Variants in FAM204A observed in about 807,000 individuals in gnomAD.
FAM204A encodes the protein protein FAM204A.
FAM204A carries 16 observed loss-of-function variants against 35.4 expected under a neutral mutation model. That is an observed-to-expected ratio of 0.45 (90% CI 0.31 to 0.69). The LOEUF (loss-of-function observed/expected upper bound fraction) is 0.69. FAM204A is among the 30% of genes least tolerant of loss of function. FAM204A has a pLI of 0.07. For missense variants in FAM204A, 240 were observed against 265.7 expected (o/e 0.90, Z 0.67); for synonymous variants, 76 against 86.9 (o/e 0.88, Z 0.70).
At position 118,304,496 on chromosome 10, in the gene FAM204A, C is replaced by G. The variant is rs943640355; in HGVS notation, c.*6361G>C. 1 of 152,386 alleles carries G rather than the reference C, an allele frequency of 6.6e-6. No homozygotes were observed. Among genetic ancestry groups the G allele is most frequent in the African/African-American group, 2.4e-5 (1 of 41,436 alleles). 9.4% of individuals were successfully genotyped at this position (152,386 alleles called of 1,614,324 possible). A position where few individuals can be genotyped will look rare whatever the true frequency, so the allele number is the denominator to read the frequency against. On this transcript the variant is annotated 3_prime_UTR_variant, in exon 9 of 9. Transcript: ENST00000369183. ...AAGTTGTGTGTGAGTTGGTTCTGGC[C>G]AGCTCTTTTCAACGCCATCTCTTTC...
intron 7 of FAM204A, among the ~76,000 whole-genome samples, chr10:118,322,785 A>T (rs1317791058): frequency 1.3e-5 from 2 of 152,150 alleles, no homozygotes; most frequent in African/African-American, 4.8e-5. Context: ...AGTCTGAAAT[A>T]ATTGCAAAAT....
Position 118,335,709 on chromosome 10 carries a change from T to C in FAM204A, c.235-68A>G, listed in dbSNP as rs961548943. On this transcript the variant is annotated intron_variant, in intron 3 of 8. Transcript: ENST00000369183. ...AGAAAAACATGCATTTAAAAAATAA[T>C]GAAGTAATAAAACAATTATATTTCA... is the stretch of plus-strand genomic sequence containing the variant. 19 of 1,175,892 alleles carry C rather than the reference T, an allele frequency of 1.6e-5. No homozygotes were observed. In the African/African-American group the frequency reaches 3.0e-4, roughly 18 times the overall value. The allele number at this position is 1,175,892 out of a possible 1,614,324, so 72.8% of individuals were successfully genotyped here. A position where few individuals can be genotyped will look rare whatever the true frequency, so the allele number is the denominator to read the frequency against.
chr10:118,327,035 T>C (rs989219091), intron 6 of FAM204A, among the ~76,000 whole-genome samples: 1 of 152,168 alleles, frequency 6.6e-6, no homozygotes, highest in Non-Finnish European at 1.5e-5. Context: ...ATAACTGGAG[T>C]TCTAGTTTGT....
At chr10:118,319,102 G>A (rs189430224) in intron 7 of FAM204A, among the ~76,000 whole-genome samples, 51 of 152,018 alleles carry the variant, frequency 3.4e-4, no homozygotes, top group Middle Eastern at 3.4e-3. Context: ...GAATACTAGA[G>A]CAAGTGCTAC....
intron 7 of FAM204A, among the ~76,000 whole-genome samples, chr10:118,315,155 T>A (rs890095109): frequency 9.2e-5 from 14 of 152,128 alleles, no homozygotes; most frequent in African/African-American, 2.9e-4. Context: ...GACATTTTTT[T>A]AATTCCTTTC....
chr10:118,336,325 T>C lies in FAM204A; in HGVS notation c.91A>G (p.Asn31Asp). ...TCATCCTCTTTATCTTCCTGTAAGT[T>C]AAGTCCAGAGTTCTCCAACGTAGCT... ...DEATLENSGLNLQEDKEDESI... is the reference protein window; with the variant it reads ...DEATLENSGLDLQEDKEDESI... The change falls in exon 3 of 9, where the codon AAC becomes GAC. Residue 31 changes from asparagine to aspartate, a missense_variant. Asn to Asp is a conservative substitution (Grantham distance 23). Coordinates refer to ENST00000369183, the MANE Select transcript of FAM204A (RefSeq NM_022063.3). 1 of 1,614,018 alleles carries C rather than the reference T, an allele frequency of 6.2e-7. No homozygotes were observed. Among genetic ancestry groups the C allele is most frequent in the Non-Finnish European group, 8.5e-7 (1 of 1,179,892 alleles).
chr10:118,313,360 G>A (rs1845982696), intron 7 of FAM204A, among the ~76,000 whole-genome samples: 1 of 152,122 alleles, frequency 6.6e-6, no homozygotes, highest in Non-Finnish European at 1.5e-5. Context: ...AAGAGCGGGA[G>A]GGCCTCACAA....
chr10:118,326,420 T>C, intron 6 of FAM204A, 177 bp from the exon 7 acceptor site: 1 of 576,346 alleles, frequency 1.7e-6, no homozygotes, highest in East Asian at 3.1e-5. Context: ...AGACAGTAAA[T>C]GGCTTACCTG....
intron 6 of FAM204A, among the ~76,000 whole-genome samples, chr10:118,334,863 T>C (rs1371898482): frequency 6.6e-6 from 1 of 152,234 alleles, no homozygotes; most frequent in Non-Finnish European, 1.5e-5. Context: ...CGTGGCACCT[T>C]CTATGAAAGG....
Position 118,300,164 on chromosome 10 carries a change from C to T in FAM204A, c.*10693G>A, listed in dbSNP as rs1203533475. The stretch of plus-strand genomic sequence containing the variant: ...AAAAGTTCAGGTGGTTTCTGAACCA[C>T]GGAAATTGTGTGCAAAATGCAGTGC... On this transcript the variant is annotated 3_prime_UTR_variant, in exon 9 of 9. Transcript: ENST00000369183. The T allele has an allele frequency of 2.0e-5, 3 of 152,078 alleles. No individual in the cohort carries two copies. The highest frequency in any genetic ancestry group is 6.5e-5 in the Admixed American group (1 of 15,274). The allele number at this position is 152,078 out of a possible 1,614,324, so 9.4% of individuals were successfully genotyped here. A position where few individuals can be genotyped will look rare whatever the true frequency, so the allele number is the denominator to read the frequency against.
intron 7 of FAM204A, among the ~76,000 whole-genome samples, chr10:118,318,841 A>G (rs1199594348): frequency 6.6e-6 from 1 of 151,916 alleles, no homozygotes; most frequent in Non-Finnish European, 1.5e-5. Context: ...GAACATCTCT[A>G]GTTCAAAATT....
At chr10:118,318,238 T>C (rs1396281290) in intron 7 of FAM204A, among the ~76,000 whole-genome samples, 1 of 151,846 alleles carries the variant, frequency 6.6e-6, no homozygotes, top group Non-Finnish European at 1.5e-5. Flanking sequence ...GGCACAGTAA[T>C]AAAATTTGAA....
At chr10:118,311,869 G>A (rs1231333672) in intron 7 of FAM204A, among the ~76,000 whole-genome samples, 3 of 152,180 alleles carry the variant, frequency 2.0e-5, no homozygotes, top group Non-Finnish European at 2.9e-5. Context: ...TATCAGGGGT[G>A]CTAAGGTGAA....
chr10:118,328,487 G>A (rs1200738854), intron 6 of FAM204A, among the ~76,000 whole-genome samples: 1 of 140,928 alleles, frequency 7.1e-6, no homozygotes, highest in Non-Finnish European at 1.5e-5. Context: ...TGAAATATAT[G>A]TCAACTGTTT....
rs1845768060 is a variant in FAM204A, at chr10:118,298,067, T to A, written c.*12790A>T. The A allele has an allele frequency of 1.3e-5, 2 of 152,180 alleles. No individual in the cohort carries two copies. The highest frequency in any genetic ancestry group is 1.3e-4 in the Admixed American group (2 of 15,282). The allele number at this position is 152,180 out of a possible 1,614,324, so 9.4% of individuals were successfully genotyped here. On this transcript the variant is annotated 3_prime_UTR_variant, in exon 9 of 9. Coordinates refer to ENST00000369183, the MANE Select transcript of FAM204A (RefSeq NM_022063.3). ...GAGTAGAACCAGTATAGAAACCTAGTTATCTGCGTATTCCATCCTCTGGGC... is the reference window on the plus strand; with the variant it reads ...GAGTAGAACCAGTATAGAAACCTAGATATCTGCGTATTCCATCCTCTGGGC...
In FAM204A at chr10:118,309,635, T is replaced by C. The variant is rs956624821; in HGVS notation, c.*1222A>G. 1 of 152,184 alleles carries C rather than the reference T, an allele frequency of 6.6e-6. No homozygotes were observed. The highest frequency in any genetic ancestry group is 1.5e-5 in the Non-Finnish European group (1 of 68,026). The allele number at this position is 152,184 out of a possible 1,614,324, so 9.4% of individuals were successfully genotyped here. ...CCCCTTTCCTGTCAGAACCAGGAAA[T>C]GTACATCTAATGAAAACGATTTCCC... On this transcript the variant is annotated 3_prime_UTR_variant, in exon 9 of 9. Coordinates refer to ENST00000369183, the MANE Select transcript of FAM204A (RefSeq NM_022063.3).
At position 118,309,317 on chromosome 10, in the gene FAM204A, C is replaced by T. The variant is rs1845911817; in HGVS notation, c.*1540G>A. On this transcript the variant is annotated 3_prime_UTR_variant, in exon 9 of 9. Coordinates refer to ENST00000369183, the MANE Select transcript of FAM204A (RefSeq NM_022063.3). ...AATAGTAGCTAGGTATTCTCTTATT[C>T]CAGAACACAGAAAAAAAAAGCCATT... The T allele has an allele frequency of 6.6e-6, 1 of 151,806 alleles. No homozygotes were observed. Among genetic ancestry groups the T allele is most frequent in the Non-Finnish European group, 1.5e-5 (1 of 67,978 alleles). The allele number at this position is 151,806 out of a possible 1,614,324, so 9.4% of individuals were successfully genotyped here. A position where few individuals can be genotyped will look rare whatever the true frequency, so the allele number is the denominator to read the frequency against.
rs1203062257 is a variant in FAM204A at position 118,298,829 on chromosome 10, C to T, written c.*12028G>A. The T allele has an allele frequency of 2.6e-5, 4 of 152,148 alleles. No homozygotes were observed. Among genetic ancestry groups the T allele is most frequent in the Admixed American group, 1.3e-4 (2 of 15,284 alleles). 9.4% of individuals were successfully genotyped at this position (152,148 alleles called of 1,614,324 possible). ...TGCAAAGCCTTCACTGATTCGGGAA[C>T]CTCAAATGCGTTTTCATTGTTAGGT... On this transcript the variant is annotated 3_prime_UTR_variant, in exon 9 of 9. Transcript: ENST00000369183.
chr10:118,324,167 T>G (rs1436716717), intron 7 of FAM204A, among the ~76,000 whole-genome samples: 1 of 152,008 alleles, frequency 6.6e-6, no homozygotes, highest in Non-Finnish European at 1.5e-5. Flanking sequence ...ACTCAGTGAA[T>G]CAAAATAAGG....
Sources: allele counts gnomAD v4.1 joint callset (sites outside exome capture counted in the v4.1 genomes callset), GRCh38; gene constraint gnomAD v4.1.1; transcripts MANE v1.5; gene names NCBI Gene and HGNC (gene_info 2026-07-23, HGNC 2026-07-21).